Variants in FKBP1B observed in about 807,000 individuals in gnomAD.
FKBP1B encodes the protein FKBP prolyl isomerase 1B.
In FKBP1B, 4 loss-of-function variants were observed where a neutral mutation model predicts 13.5. The observed-to-expected ratio is 0.30, with a 90% CI of 0.15 to 0.68. FKBP1B has a LOEUF of 0.68. FKBP1B is among the 30% of genes least tolerant of loss of function. FKBP1B has a pLI of 0.76. For synonymous variants in FKBP1B, 54 were observed against 53.6 expected (o/e 1.01, Z -0.03); for missense variants, 93 against 136.2 (o/e 0.68, Z 1.58).
chr2:24,048,961 G>T (rs190313297), upstream of FKBP1B, among the ~76,000 whole-genome samples: 1 of 152,084 alleles, frequency 6.6e-6, no homozygotes, highest in Admixed American at 6.6e-5. Context: ...AATGTGCGTC[G>T]AGCAGAACTA....
At chr2:24,053,767 C>A in intron 1 of FKBP1B, 135 bp from the exon 2 acceptor site, 2 of 831,776 alleles carry the variant, frequency 2.4e-6, no homozygotes, top group South Asian at 1.5e-5. Context: ...GGGCCCAGAG[C>A]CAGAACTAGG....
chr2:24,052,590 C>T (rs1286594288), intron 1 of FKBP1B, among the ~76,000 whole-genome samples: 1 of 152,212 alleles, frequency 6.6e-6, no homozygotes, highest in African/African-American at 2.4e-5. Context: ...CCCTTTAATA[C>T]ATCATTGTGT....
chr2:24,061,944 AC>A, intron 3 of FKBP1B, among the ~76,000 whole-genome samples: 1 of 152,194 alleles, frequency 6.6e-6, no homozygotes, highest in Non-Finnish European at 1.5e-5. Context: ...ATCTTGGCTC[AC>A]TGCAAGCTCC....
chr2:24,033,646 T>C, the FKBP1B span, among the ~76,000 whole-genome samples: 1 of 151,706 alleles, frequency 6.6e-6, no homozygotes, highest in Non-Finnish European at 1.5e-5. Flanking sequence ...GAGGCTGAGG[T>C]AGGAGAATCA....
chr2:24,060,984 C>T (rs1664364714), intron 3 of FKBP1B, 58 bp downstream of exon 3: 4 of 1,271,090 alleles, frequency 3.1e-6, no homozygotes, highest in Non-Finnish European at 4.6e-6. Context: ...GGGATCAGCA[C>T]TCTGCCCTCC....
intron 1 of FKBP1B, among the ~76,000 whole-genome samples, chr2:24,052,233 T>C (rs1663912989): frequency 6.6e-6 from 1 of 152,184 alleles, no homozygotes; most frequent in Non-Finnish European, 1.5e-5. Flanking sequence ...CGCCTAACCG[T>C]CCATCCTACA....
chr2:24,049,900 T>C lies in FKBP1B; in HGVS notation c.37+14T>C, dbSNP rs1213599202. 4 of 1,400,874 alleles carry C rather than the reference T, an allele frequency of 2.9e-6. No homozygotes were observed. The South Asian group carries it at 6.0e-5, about 21-fold the overall frequency. The allele number at this position is 1,400,874 out of a possible 1,614,324, so 86.8% of individuals were successfully genotyped here. On this transcript the variant is annotated intron_variant, in intron 1 of 3. Coordinates refer to ENST00000380986, the MANE Select transcript of FKBP1B (RefSeq NM_004116.5). ...CCCCCGGAGACGGTACCGGGCTCCC[T>C]CCGGAGCCAGGGGAGGGGAGGGGTC...
chr2:24,033,224 T>G, the FKBP1B span: 4 of 534,960 alleles, frequency 7.5e-6, no homozygotes, highest in South Asian at 4.6e-5. Context: ...ACTAAAAGGA[T>G]GATGGACAGC....
At chr2:24,054,203 C>G in intron 2 of FKBP1B, 1 of 670,080 alleles carries the variant, frequency 1.5e-6, no homozygotes, top group Non-Finnish European at 2.8e-6. Context: ...GTGAGTCAAA[C>G]ACCTTCAGTC....
chr2:24,041,465 TAAAG>T, the FKBP1B span, among the ~76,000 whole-genome samples: 1 of 152,120 alleles, frequency 6.6e-6, no homozygotes, highest in Non-Finnish European at 1.5e-5. Flanking sequence ...CTGAAAATGT[TAAAG>T]AAAGACACAA....
At position 24,062,967 on chromosome 2, in the gene FKBP1B, G is replaced by A. The variant is rs930432107; in HGVS notation, c.199-97G>A. The A allele has an allele frequency of 2.0e-5, 32 of 1,562,128 alleles. No homozygotes were observed. The African/African-American group carries it at 4.1e-4, about 20-fold the overall frequency. Reference sequence around the variant, plus strand: ...CTGAGATCTTCAGAGTTAACATTGAGGATGGTTTGGGAAAATGCCATAGTC... The same window carrying A: ...CTGAGATCTTCAGAGTTAACATTGAAGATGGTTTGGGAAAATGCCATAGTC... On this transcript the variant is annotated intron_variant, in intron 3 of 3. Transcript: ENST00000380986.
At chr2:24,052,125 C>T (rs1663908000) in intron 1 of FKBP1B, among the ~76,000 whole-genome samples, 2 of 152,158 alleles carry the variant, frequency 1.3e-5, no homozygotes, top group South Asian at 2.1e-4. Flanking sequence ...CTGTCAGCTC[C>T]GCTTCGAAAA....
At chr2:24,047,373 G>A (rs935208506), upstream of FKBP1B, 2 of 152,030 alleles carry the variant, frequency 1.3e-5, no homozygotes, top group African/African-American at 2.4e-5. Flanking sequence ...ACATCACGCC[G>A]CCGCACATAA....
Position 24,050,111 on chromosome 2 carries a change from G to A in FKBP1B, c.37+225G>A, listed in dbSNP as rs1456869766. ...GAATGTAGGCGGCAGCTCGGAGGCG[G>A]GGGTCTGCGGCCCGGAGGCGGGGGT... On this transcript the variant is annotated intron_variant, in intron 1 of 3. Coordinates refer to ENST00000380986, the MANE Select transcript of FKBP1B (RefSeq NM_004116.5). This position sits in a 1 kb window ranked among gnomAD's most constrained non-coding sequence, Gnocchi z 5.8. Among the ~76,000 whole-genome samples, 2 of 151,984 alleles carry A rather than the reference G, an allele frequency of 1.3e-5. No homozygotes were observed. The highest frequency in any genetic ancestry group is 4.8e-5 in the African/African-American group (2 of 41,470).
chr2:24,038,525 A>C, the FKBP1B span: 2 of 1,614,250 alleles, frequency 1.2e-6, no homozygotes, highest in South Asian at 2.2e-5. Flanking sequence ...GCCTTCTTAA[A>C]GGTCACAAGG....
chr2:24,040,683 C>A, the FKBP1B span, among the ~76,000 whole-genome samples: 3 of 151,994 alleles, frequency 2.0e-5, no homozygotes, highest in South Asian at 2.1e-4. Context: ...ATTTTTTCAC[C>A]CTGAATATTT....
chr2:24,047,135 T>G (rs1237761219), upstream of FKBP1B, among the ~76,000 whole-genome samples: 6 of 151,766 alleles, frequency 4.0e-5, no homozygotes. Context: ...CACCCACCCC[T>G]AGCTCGATCC....
the FKBP1B span, among the ~76,000 whole-genome samples, chr2:24,043,033 C>CAA: frequency 3.7e-3 from 502 of 134,966 alleles, 2 homozygotes; most frequent in African/African-American, 8.2e-3. Context: ...AACTCCGTCT[C>CAA]AAAAAAAAAA....
chr2:24,053,783 A>G (rs1663988530), intron 1 of FKBP1B, 119 bp from the exon 2 acceptor site: 1 of 931,626 alleles, frequency 1.1e-6, no homozygotes, highest in Non-Finnish European at 1.8e-6. Flanking sequence ...CTAGGGCCAC[A>G]GGCATCTCCA....
Sources: gnomAD v4.1 joint callset for allele counts (sites outside exome capture counted in the v4.1 genomes callset) on GRCh38, gnomAD v4.1.1 for gene constraint, Gnocchi (gnomAD v3.1) non-coding constraint, MANE v1.5 for transcripts, NCBI Gene and HGNC (gene_info 2026-07-23, HGNC 2026-07-21) for gene names.